Variants in SLC9A9 observed in about 807,000 individuals in gnomAD.
SLC9A9 encodes the protein solute carrier family 9 member A9, also known as sodium/hydrogen exchanger 9.
In SLC9A9, 62 loss-of-function variants were observed where a neutral mutation model predicts 77.8. That is an observed-to-expected ratio of 0.80 (90% CI 0.65 to 0.98). The LOEUF is 0.98. Ranked by LOEUF, SLC9A9 falls within the 50% of genes least tolerant of loss-of-function variation. The pLI, the probability that SLC9A9 is intolerant of heterozygous loss-of-function variation, is 0.00. For synonymous variants in SLC9A9, 320 were observed against 283.5 expected (o/e 1.13, Z -1.29); for missense variants, 775 against 774.9 (o/e 1.00, Z 0.00).
chr3:143,827,024 G>C (rs2108885383), intron 2 of SLC9A9, among the ~76,000 whole-genome samples: 1 of 152,272 alleles, frequency 6.6e-6, no homozygotes, highest in East Asian at 1.9e-4. Flanking sequence ...AAATTGATAG[G>C]ACTCAGTTCA....
chr3:143,684,756 T>G (rs1277497019), intron 5 of SLC9A9, among the ~76,000 whole-genome samples: 1 of 152,112 alleles, frequency 6.6e-6, no homozygotes, highest in Admixed American at 6.6e-5. Flanking sequence ...ATTTGAATCA[T>G]ATAGATATTT....
chr3:143,779,588 C>G (rs1220484544), intron 4 of SLC9A9, among the ~76,000 whole-genome samples: 5 of 152,190 alleles, frequency 3.3e-5, no homozygotes, highest in Non-Finnish European at 7.3e-5. Flanking sequence ...CCAGGCTGCT[C>G]TTGAACTTCT....
chr3:143,796,950 T>A (rs748515403), intron 2 of SLC9A9, 47 bp from the exon 3 acceptor site: 1 of 1,467,168 alleles, frequency 6.8e-7, no homozygotes. Flanking sequence ...CTCCTTTGGG[T>A]CATTAAAAAA....
rs150445159 is a variant in SLC9A9 at position 143,458,581 on chromosome 3, A to G, written c.1469+8456T>C. ...TAATTTACCTATTGAACTTTTGACT[A>G]TATCTCATTGTGTATGTGTTTTAGT... is the stretch of plus-strand genomic sequence containing the variant. On this transcript the variant is annotated intron_variant, in intron 12 of 15. Coordinates refer to ENST00000316549, the MANE Select transcript of SLC9A9 (RefSeq NM_173653.4). Among the ~76,000 whole-genome samples, 464 of 152,176 alleles carry G rather than the reference A, an allele frequency of 3.0e-3. 2 individuals are homozygous for G. The highest frequency in any genetic ancestry group is 0.011 in the African/African-American group (451 of 41,534).
rs374351037 is a variant in SLC9A9, at chr3:143,672,187, A to T, written c.650-19827T>A. On this transcript the variant is annotated intron_variant, in intron 5 of 15. Coordinates refer to ENST00000316549, the MANE Select transcript of SLC9A9 (RefSeq NM_173653.4). Reference sequence around the variant, plus strand: ...AACTACTTTGTCAATTACATCTTAAATTTTTTTTTTGTCTGTGAATAGAAA... The same window carrying T: ...AACTACTTTGTCAATTACATCTTAATTTTTTTTTTTGTCTGTGAATAGAAA... 6.0e-5 allele frequency among the ~76,000 whole-genome samples: 9 copies of T among 150,798 alleles called. No individual in the cohort carries two copies. The South Asian group carries it at 6.3e-4, about 11-fold the overall frequency.
chr3:143,413,947 A>T (rs1165121884), intron 12 of SLC9A9, among the ~76,000 whole-genome samples: 1 of 152,224 alleles, frequency 6.6e-6, no homozygotes, highest in Admixed American at 6.5e-5. Flanking sequence ...CCCATTAAAC[A>T]CACTGTCACC....
At position 143,707,400 on chromosome 3, in the gene SLC9A9, A is replaced by ACACACC. The variant is rs549058822; in HGVS notation, c.534-14094_534-14093insGGTGTG. On this transcript the variant is annotated intron_variant, in intron 4 of 15. Transcript: ENST00000316549. ...CACACACACACACACACACACACAC[A>ACACACC]CCCCAGCTGGGAAGCCATCATGATT... 3.1e-3 allele frequency among the ~76,000 whole-genome samples: 450 copies of ACACACC among 145,100 alleles called. 2 individuals are homozygous for ACACACC. The highest frequency in any genetic ancestry group is 0.011 in the African/African-American group (425 of 39,666).
intron 6 of SLC9A9, among the ~76,000 whole-genome samples, chr3:143,583,683 A>G (rs1448493263): frequency 6.6e-6 from 1 of 152,230 alleles, no homozygotes; most frequent in East Asian, 1.9e-4. Flanking sequence ...AAATGGATTA[A>G]TGTTTATAAA....
intron 2 of SLC9A9, among the ~76,000 whole-genome samples, chr3:143,823,221 G>C (rs1018591206): frequency 2.0e-5 from 3 of 152,176 alleles, no homozygotes; most frequent in African/African-American, 7.2e-5. Context: ...ACAGTCTAGT[G>C]AGACTGTAGA....
chr3:143,344,278 C>G (rs1430545193), intron 14 of SLC9A9, among the ~76,000 whole-genome samples: 50 of 152,256 alleles, frequency 3.3e-4, no homozygotes, highest in African/African-American at 1.2e-3. Context: ...TCAAACAATT[C>G]AATATCCTGA....
At chr3:143,448,016 G>T (rs764399429) in intron 12 of SLC9A9, among the ~76,000 whole-genome samples, 17 of 152,176 alleles carry the variant, frequency 1.1e-4, no homozygotes, top group Non-Finnish European at 2.1e-4. Flanking sequence ...AAGAATGGGG[G>T]ATGGAGGATG....
intron 4 of SLC9A9, among the ~76,000 whole-genome samples, chr3:143,715,706 A>T (rs941160524): frequency 6.6e-6 from 1 of 152,120 alleles, no homozygotes; most frequent in Non-Finnish European, 1.5e-5. Context: ...AGAATTAGAG[A>T]GGAAGGCCAA....
intron 5 of SLC9A9, among the ~76,000 whole-genome samples, chr3:143,691,863 G>T (rs981875371): frequency 2.0e-5 from 3 of 151,906 alleles, no homozygotes; most frequent in African/African-American, 7.3e-5. Context: ...CACTTTCATT[G>T]CAACGAGTAA....
intron 4 of SLC9A9, among the ~76,000 whole-genome samples, chr3:143,752,402 G>T (rs983875078): frequency 2.0e-5 from 3 of 152,190 alleles, no homozygotes; most frequent in East Asian, 3.9e-4. Flanking sequence ...GCCTGATAAA[G>T]CTGAGACGAT....
intron 8 of SLC9A9, among the ~76,000 whole-genome samples, chr3:143,554,614 C>T (rs1234886586): frequency 6.6e-6 from 1 of 152,198 alleles, no homozygotes; most frequent in African/African-American, 2.4e-5. Context: ...AAAAACTAGT[C>T]AGACCATGTC....
intron 12 of SLC9A9, among the ~76,000 whole-genome samples, chr3:143,423,869 A>G (rs2034356464): frequency 6.6e-6 from 1 of 152,226 alleles, no homozygotes; most frequent in South Asian, 2.1e-4. Flanking sequence ...GACAAGAAGA[A>G]TGCAGCACTG....
At chr3:143,348,715 CT>C (rs149843180) in intron 14 of SLC9A9, among the ~76,000 whole-genome samples, 2,863 of 152,264 alleles carry the variant, frequency 0.019, 45 homozygotes, top group Middle Eastern at 0.051. Flanking sequence ...AAAAAATGAA[CT>C]CTACTTCCCA....
chr3:143,580,728 C>T (rs572291787), intron 6 of SLC9A9, among the ~76,000 whole-genome samples: 89 of 152,322 alleles, frequency 5.8e-4, no homozygotes, highest in African/African-American at 2.1e-3. Context: ...TCTTCCTTCC[C>T]ACTCAACAGG....
At chr3:143,742,840 G>T (rs144714902) in intron 4 of SLC9A9, among the ~76,000 whole-genome samples, 87 of 152,028 alleles carry the variant, frequency 5.7e-4, no homozygotes, top group African/African-American at 2.0e-3. Flanking sequence ...TGCGATGGGG[G>T]GTTTGTTTGT....
Sources: allele counts gnomAD v4.1 joint callset (sites outside exome capture counted in the v4.1 genomes callset), GRCh38; gene constraint gnomAD v4.1.1; transcripts MANE v1.5; gene names NCBI Gene and HGNC (gene_info 2026-07-23, HGNC 2026-07-21).